Variants in LYRM4 observed in about 807,000 individuals in gnomAD.
LYRM4 encodes LYR motif-containing protein 4.
In LYRM4, 9 loss-of-function variants were observed where a neutral mutation model predicts 11.7. That is an observed-to-expected ratio of 0.77 (90% CI 0.46 to 1.34). The LOEUF (loss-of-function observed/expected upper bound fraction) is 1.34. Among genes scored for constraint, LYRM4 ranks in the 40% most tolerant of loss-of-function variants. The pLI is 0.00. For missense variants in LYRM4, 133 were observed against 112.5 expected (o/e 1.18, Z -0.82); for synonymous variants, 42 against 40.4 (o/e 1.04, Z -0.15).
chr6:5,086,698 G>A, the LYRM4 span: 6 of 738,608 alleles, frequency 8.1e-6, no homozygotes, highest in Admixed American at 2.9e-5. Flanking sequence ...GGGAAAGGAG[G>A]GAGACTTTGA....
At chr6:5,143,136 A>G (rs920603931) in intron 2 of LYRM4, among the ~76,000 whole-genome samples, 1 of 152,204 alleles carries the variant, frequency 6.6e-6, no homozygotes, top group African/African-American at 2.4e-5. Flanking sequence ...GGTGATCCCG[A>G]TAAGTGACAT....
Position 5,144,021 on chromosome 6 carries a change from G to A in LYRM4, c.208-34530C>T, listed in dbSNP as rs944353387. ...GGTCTAATTCCCAAGGCTCAAAGAA[G>A]CCCCTGACATCAAATTGCTTTCCTC... is the stretch of plus-strand genomic sequence containing the variant. On this transcript the variant is annotated intron_variant, in intron 2 of 2. Transcript: ENST00000330636. 2.8e-5 allele frequency: 34 copies of A among 1,206,624 alleles called. No individual in the cohort carries two copies. In the African/African-American group the frequency reaches 4.9e-4, roughly 17 times the overall value. The allele number at this position is 1,206,624 out of a possible 1,614,324, so 74.7% of individuals were successfully genotyped here.
At chr6:5,259,636 C>G (rs1032502448) in intron 1 of LYRM4, among the ~76,000 whole-genome samples, 4 of 152,194 alleles carry the variant, frequency 2.6e-5, no homozygotes, top group Non-Finnish European at 4.4e-5. Context: ...GGGGGGCCTA[C>G]CTAACCAGGT....
At chr6:5,109,942 G>A (rs12206845) in intron 2 of LYRM4, among the ~76,000 whole-genome samples, 27,418 of 152,160 alleles carry the variant, frequency 0.18, 2,676 homozygotes, top group African/African-American at 0.24. Context: ...GGGCAATGCA[G>A]ACACCTGTCC....
At chr6:5,066,947 C>T in the LYRM4 span, 1 of 1,092,640 alleles carries the variant, frequency 9.2e-7, no homozygotes, top group Admixed American at 2.7e-5. Context: ...CGGAGAGCCT[C>T]AGCCGAGGAG....
intron 2 of LYRM4, among the ~76,000 whole-genome samples, chr6:5,173,457 GA>G (rs1759541931): frequency 6.6e-6 from 1 of 152,212 alleles, no homozygotes; most frequent in Non-Finnish European, 1.5e-5. Flanking sequence ...CACGAAGTCT[GA>G]ATCAGTCATA....
chr6:5,108,428 AC>A lies in LYRM4; in HGVS notation c.*994del. 1.0e-6 allele frequency: 1 copy of A among 976,680 alleles called. No homozygotes were observed. The highest frequency in any genetic ancestry group is 1.2e-6 in the Non-Finnish European group (1 of 821,832). 60.5% of individuals were successfully genotyped at this position (976,680 alleles called of 1,614,324 possible). On this transcript the variant is annotated 3_prime_UTR_variant, in exon 3 of 3. Coordinates refer to ENST00000330636, the MANE Select transcript of LYRM4 (RefSeq NM_020408.6). ...AATCTGTTTCCAAGAATAAAAGCAT[AC>A]AAACAATATCTTTATTACCTGTAAT...
intron 2 of LYRM4, among the ~76,000 whole-genome samples, chr6:5,167,298 C>T (rs956223894): frequency 2.6e-4 from 40 of 152,062 alleles, no homozygotes. Context: ...CTCTGGTCAC[C>T]CTCCCCAAAG....
intron 1 of LYRM4, among the ~76,000 whole-genome samples, chr6:5,241,564 TA>T (rs139012922): frequency 0.1 from 15,244 of 152,210 alleles, 911 homozygotes; most frequent in Middle Eastern, 0.17. Flanking sequence ...CATAGGCATT[TA>T]TGAGACCACT....
the LYRM4 span, among the ~76,000 whole-genome samples, chr6:5,070,701 C>T: frequency 6.6e-6 from 1 of 151,314 alleles, no homozygotes; most frequent in South Asian, 2.1e-4. Context: ...CATAGCAAGA[C>T]ACCATCTATA....
chr6:5,242,041 T>C (rs1242689839), intron 1 of LYRM4, among the ~76,000 whole-genome samples: 1 of 151,880 alleles, frequency 6.6e-6, no homozygotes, highest in East Asian at 1.9e-4. Flanking sequence ...CACACACACA[T>C]TGTCTCAGTT....
chr6:5,054,131 C>T, the LYRM4 span: 1 of 985,786 alleles, frequency 1.0e-6, no homozygotes, highest in Non-Finnish European at 1.2e-6. Flanking sequence ...GTCACCTGGC[C>T]ATGACCAGAA....
chr6:5,045,573 G>A, the LYRM4 span, among the ~76,000 whole-genome samples: 55 of 152,352 alleles, frequency 3.6e-4, no homozygotes, highest in African/African-American at 1.2e-3. Context: ...ACCACGATTT[G>A]TAAAAGAGCA....
At chr6:5,062,374 G>T in the LYRM4 span, among the ~76,000 whole-genome samples, 3 of 151,236 alleles carry the variant, frequency 2.0e-5, no homozygotes, top group Admixed American at 6.6e-5. Context: ...GTGTTGCCCA[G>T]GCTGGTCTCG....
intron 2 of LYRM4, among the ~76,000 whole-genome samples, chr6:5,113,768 T>A (rs967260166): frequency 1.3e-5 from 2 of 151,970 alleles, no homozygotes; most frequent in Non-Finnish European, 2.9e-5. Flanking sequence ...GTTCTCACTA[T>A]GTTGCCCAGG....
At chr6:5,237,997 T>C (rs1347776305) in intron 1 of LYRM4, among the ~76,000 whole-genome samples, 1 of 152,188 alleles carries the variant, frequency 6.6e-6, no homozygotes, top group Non-Finnish European at 1.5e-5. Flanking sequence ...TCTCCCTGCA[T>C]AGGCTGCTGG....
chr6:5,038,418 A>T, the LYRM4 span, among the ~76,000 whole-genome samples: 1 of 67,542 alleles, frequency 1.5e-5, no homozygotes, highest in Non-Finnish European at 3.5e-5. Context: ...AGCCAGGCAG[A>T]GAGGCTCCCC....
At chr6:5,097,989 C>CA in the LYRM4 span, among the ~76,000 whole-genome samples, 29 of 152,082 alleles carry the variant, frequency 1.9e-4, no homozygotes, top group South Asian at 3.3e-3. Context: ...TGTTTTTATA[C>CA]AAAAAAAATT....
chr6:5,251,591 T>C (rs1764431411), intron 1 of LYRM4, among the ~76,000 whole-genome samples: 1 of 152,204 alleles, frequency 6.6e-6, no homozygotes, highest in Admixed American at 6.5e-5. Flanking sequence ...TCACTCATTA[T>C]TGTGAGGACA....
Sources: allele counts gnomAD v4.1 joint callset (sites outside exome capture counted in the v4.1 genomes callset), GRCh38; gene constraint gnomAD v4.1.1; transcripts MANE v1.5; gene names NCBI Gene and HGNC (gene_info 2026-07-23, HGNC 2026-07-21).